MATN2: variants seen among roughly 807,000 people sequenced by gnomAD.
MATN2 encodes matrilin-2.
Under a neutral mutation model 103.2 loss-of-function variants are expected in MATN2, and 69 were observed. The observed-to-expected ratio is 0.67, with a 90% CI of 0.55 to 0.82. The LOEUF is 0.82. Among genes scored for constraint, MATN2 ranks in the 40% least tolerant of loss-of-function variants. MATN2 has a pLI of 0.00. For synonymous variants in MATN2, 429 were observed against 450.2 expected, an observed-to-expected ratio of 0.95 and a Z score of 0.60; for missense variants, 1,023 against 1,211.5, an observed-to-expected ratio of 0.84 and a Z score of 2.31.
chr8:98,031,106 G>A (rs1375780933), intron 15 of MATN2, among the ~76,000 whole-genome samples: 1 of 152,178 alleles, frequency 6.6e-6, no homozygotes, highest in Non-Finnish European at 1.5e-5. Flanking sequence ...GGAGGCTGCG[G>A]TGGGAGGATT....
chr8:97,909,102 A>C (rs942591969), intron 2 of MATN2, among the ~76,000 whole-genome samples: 2 of 151,952 alleles, frequency 1.3e-5, no homozygotes, highest in Non-Finnish European at 2.9e-5. Flanking sequence ...CCATGCCCAG[A>C]TAATTTTTTG....
In MATN2 at chr8:97,982,152, A is replaced by T. The variant is rs940734756; in HGVS notation, c.1081+3144A>T. On this transcript the variant is annotated intron_variant, in intron 6 of 18. Transcript: ENST00000254898. The surrounding 1 kb of genome is among the most constrained non-coding windows in gnomAD (Gnocchi z 4.3). ...CTTGGGGTGGGCAGGAGCCAGACCC[A>T]GGAGGAGGGAGACAAGAGGAAGAAA... Among the ~76,000 whole-genome samples, 44 of 152,210 alleles carry T rather than the reference A, an allele frequency of 2.9e-4. No homozygotes were observed. The highest frequency in any genetic ancestry group is 1.0e-4 in the Non-Finnish European group (7 of 68,038).
Position 97,963,460 on chromosome 8 carries a change from C to T in MATN2, c.958+1930C>T, listed in dbSNP as rs184100716. 8.1e-3 allele frequency among the ~76,000 whole-genome samples: 1,235 copies of T among 152,304 alleles called. 10 individuals carry two copies. Among genetic ancestry groups the T allele is most frequent in the Admixed American group, 0.014 (221 of 15,294 alleles). Reference sequence around the variant, plus strand: ...CTGGAGGCCACTGAAAAACCCATTTCTCTGAGTGTTTCCAAATAATTACCT... The same window carrying T: ...CTGGAGGCCACTGAAAAACCCATTTTTCTGAGTGTTTCCAAATAATTACCT... On this transcript the variant is annotated intron_variant, in intron 5 of 18. Transcript: ENST00000254898.
rs1474957335 is a variant in MATN2, at chr8:98,035,762, G to T, written c.*50G>T. 5.5e-6 allele frequency: 7 copies of T among 1,265,662 alleles called. No homozygotes were observed. Among genetic ancestry groups the T allele is most frequent in the South Asian group, 2.7e-5 (2 of 73,778 alleles). 78.4% of individuals were successfully genotyped at this position (1,265,662 alleles called of 1,614,324 possible). On this transcript the variant is annotated 3_prime_UTR_variant, in exon 19 of 19. Coordinates refer to ENST00000254898, the MANE Select transcript of MATN2 (RefSeq NM_002380.5). ...TAGTCATTGTATCACGGATTACAAT[G>T]AACGCAGTGCAGAGCCCCAAAGCTC...
chr8:97,992,430 T>C (rs1197406644), intron 6 of MATN2, among the ~76,000 whole-genome samples: 1 of 152,142 alleles, frequency 6.6e-6, no homozygotes, highest in Non-Finnish European at 1.5e-5. Flanking sequence ...AAAGCTACAT[T>C]ATGAAGCATT....
At chr8:98,009,383 C>G (rs1220299213) in intron 10 of MATN2, among the ~76,000 whole-genome samples, 1 of 152,228 alleles carries the variant, frequency 6.6e-6, no homozygotes, top group Non-Finnish European at 1.5e-5. Context: ...GACGACATGA[C>G]TGCACCTATT....
intron 1 of MATN2, among the ~76,000 whole-genome samples, chr8:97,876,648 A>G (rs554909877): frequency 1.3e-5 from 2 of 152,300 alleles, no homozygotes; most frequent in African/African-American, 2.4e-5. Flanking sequence ...TGACGTATAC[A>G]TACAAAAAAG....
intron 2 of MATN2, among the ~76,000 whole-genome samples, chr8:97,895,603 G>A (rs1327111165): frequency 5.9e-5 from 9 of 152,104 alleles, no homozygotes; most frequent in African/African-American, 1.9e-4. Context: ...TACCTCAGAG[G>A]GATTCACATT....
At chr8:98,019,656 T>C (rs2130424748) in intron 12 of MATN2, among the ~76,000 whole-genome samples, 1 of 152,236 alleles carries the variant, frequency 6.6e-6, no homozygotes, top group Middle Eastern at 3.4e-3. Flanking sequence ...ACGAGCTCAG[T>C]GAGGTGGGCA....
chr8:97,933,437 C>T (rs1488642879), intron 3 of MATN2, among the ~76,000 whole-genome samples: 2 of 152,072 alleles, frequency 1.3e-5, no homozygotes, highest in Non-Finnish European at 2.9e-5. Context: ...TGGAGGGGTT[C>T]TTTTTATAAG....
At chr8:98,021,994 C>T (rs1813608487) in intron 13 of MATN2, among the ~76,000 whole-genome samples, 1 of 152,068 alleles carries the variant, frequency 6.6e-6, no homozygotes, top group Non-Finnish European at 1.5e-5. Flanking sequence ...GTTATCAATC[C>T]AGTTCTAGAA....
chr8:97,962,059 C>T (rs1811331247), intron 5 of MATN2, among the ~76,000 whole-genome samples: 1 of 152,290 alleles, frequency 6.6e-6, no homozygotes, highest in African/African-American at 2.4e-5. Flanking sequence ...TAGCCTCAAA[C>T]CCTCAAACAC....
At chr8:98,016,176 T>A (rs1347701154) in intron 10 of MATN2, among the ~76,000 whole-genome samples, 2 of 152,104 alleles carry the variant, frequency 1.3e-5, no homozygotes, top group African/African-American at 4.8e-5. Context: ...AGCCCAGGAA[T>A]TCGAGACCAG....
rs149547143 is a variant in MATN2, at chr8:98,005,121, G to A, written c.1327+1338G>A. ...ACGCTGCCAGCAGGGAAGTTTCCCA[G>A]ATGAAATAAGAGGTCCAGGGCAGTC... On this transcript the variant is annotated intron_variant, in intron 8 of 18. Coordinates refer to ENST00000254898, the MANE Select transcript of MATN2 (RefSeq NM_002380.5). This position sits in a 1 kb window ranked among gnomAD's most constrained non-coding sequence, Gnocchi z 4.6. 3.9e-4 allele frequency among the ~76,000 whole-genome samples: 60 copies of A among 152,382 alleles called. No individual in the cohort carries two copies. The highest frequency in any genetic ancestry group is 2.9e-3 in the South Asian group (14 of 4,828).
intron 2 of MATN2, among the ~76,000 whole-genome samples, chr8:97,923,184 C>G (rs73698693): frequency 1.4e-5 from 2 of 142,584 alleles, no homozygotes; most frequent in Non-Finnish European, 2.9e-5. Context: ...CTTGCTGTCT[C>G]TCTCTCTCTG....
In MATN2 at chr8:98,036,218, T is replaced by A. The variant is rs1334528018; in HGVS notation, c.*506T>A. On this transcript the variant is annotated 3_prime_UTR_variant, in exon 19 of 19. Coordinates refer to ENST00000254898, the MANE Select transcript of MATN2 (RefSeq NM_002380.5). ...TAAAATTCACCACTTCAGAGAATGG[T>A]ATTCAGTGCAAAAATTCTTAGTTTA... is the stretch of plus-strand genomic sequence containing the variant. 6.6e-6 allele frequency: 1 copy of A among 152,272 alleles called. No homozygotes were observed. Among genetic ancestry groups the A allele is most frequent in the East Asian group, 1.9e-4 (1 of 5,204 alleles). The allele number at this position is 152,272 out of a possible 1,614,324, so 9.4% of individuals were successfully genotyped here.
At chr8:98,019,932 G>A (rs748662889) in intron 12 of MATN2, among the ~76,000 whole-genome samples, 1 of 152,186 alleles carries the variant, frequency 6.6e-6, no homozygotes, top group Non-Finnish European at 1.5e-5. Context: ...TCAATACCTC[G>A]CTTCTTCCTC....
intron 14 of MATN2, among the ~76,000 whole-genome samples, chr8:98,028,250 C>A (rs542985824): frequency 5.3e-5 from 8 of 152,228 alleles, no homozygotes; most frequent in Non-Finnish European, 1.0e-4. Flanking sequence ...ATTTTTTAAC[C>A]AATACTTCAA....
chr8:97,973,627 T>C (rs963297148), intron 5 of MATN2, among the ~76,000 whole-genome samples: 4 of 149,338 alleles, frequency 2.7e-5, no homozygotes, highest in African/African-American at 5.0e-5. Context: ...TGGAGTGCAG[T>C]GGCATGATCT....
Sources: allele counts gnomAD v4.1 joint callset (sites outside exome capture counted in the v4.1 genomes callset), GRCh38; gene constraint gnomAD v4.1.1; non-coding constraint Gnocchi (gnomAD v3.1); transcripts MANE v1.5; gene names NCBI Gene and HGNC (gene_info 2026-07-23, HGNC 2026-07-21).